Variants in GOLM1 observed in about 807,000 individuals in gnomAD.
GOLM1 encodes epididymis luminal protein 46.
A neutral mutation model predicts 50.5 loss-of-function variants in GOLM1; 31 were observed. That is an observed-to-expected ratio of 0.61 (90% CI 0.46 to 0.83). The LOEUF (loss-of-function observed/expected upper bound fraction) is 0.83. Among genes scored for constraint, GOLM1 ranks in the 40% least tolerant of loss-of-function variants. The pLI is 0.00. For missense variants in GOLM1, 491 were observed against 501.3 expected, an observed-to-expected ratio of 0.98 and a Z score of 0.20; for synonymous variants, 178 against 192.8, an observed-to-expected ratio of 0.92 and a Z score of 0.64.
chr9:86,046,997 G>A (rs1833567868), intron 4 of GOLM1, among the ~76,000 whole-genome samples: 1 of 141,130 alleles, frequency 7.1e-6, no homozygotes, highest in South Asian at 2.5e-4. Context: ...TTTGATGTTT[G>A]GTCAGATAAG....
intron 6 of GOLM1, among the ~76,000 whole-genome samples, chr9:86,038,022 C>CGCAT (rs1176696878): frequency 6.6e-6 from 1 of 151,956 alleles, no homozygotes; most frequent in Admixed American, 6.6e-5. Context: ...GGTGTGGTAG[C>CGCAT]GCATGCCTGT....
chr9:86,077,526 C>A lies in GOLM1; in HGVS notation c.195G>T (p.Leu65=). The A allele has an allele frequency of 1.9e-6, 3 of 1,613,456 alleles. No individual in the cohort carries two copies. Among genetic ancestry groups the A allele is most frequent in the Non-Finnish European group, 2.5e-6 (3 of 1,179,352 alleles). The change falls in exon 3 of 10, where the codon CTG becomes CTT. Residue 65 remains leucine (L), a synonymous_variant. Transcript: ENST00000388712. ...RAAAERGAVE[L]KKNEFQGELE... is the part of the protein sequence containing the mutation. Reference sequence around the variant, plus strand: ...GCTCTCCCTGGAACTCGTTCTTCTTCAGCTCCACGGCGCCTCTCTCTGCAG... The same window carrying A: ...GCTCTCCCTGGAACTCGTTCTTCTTAAGCTCCACGGCGCCTCTCTCTGCAG...
chr9:86,079,226 T>C lies in GOLM1; in HGVS notation c.95A>G (p.Tyr32Cys), dbSNP rs549143314. 6.2e-7 allele frequency: 1 copy of C among 1,605,990 alleles called. No individual in the cohort carries two copies. The highest frequency in any genetic ancestry group is 1.7e-5 in the Admixed American group (1 of 58,932). ...VACIIVLGFNYWIASSRSVDL... is the reference protein window; with the variant it reads ...VACIIVLGFNCWIASSRSVDL... ...CACGCTCCGGGAGCTCGCAATCCAG[T>C]AGTTGAAGCCCAAGACGATGATGCA... Residue 32 changes from tyrosine (Y) to cysteine (C), a missense_variant, in exon 2 of 10, where the codon TAC becomes TGC. By Grantham distance (194) the Tyr-to-Cys change is radical. Coordinates refer to ENST00000388712, the MANE Select transcript of GOLM1 (RefSeq NM_016548.4).
At chr9:86,080,629 T>C (rs1834754579) in intron 1 of GOLM1, among the ~76,000 whole-genome samples, 4 of 152,130 alleles carry the variant, frequency 2.6e-5, no homozygotes. Flanking sequence ...TCTTTTTTCT[T>C]AACAGCTAGC....
chr9:86,056,304 C>T lies in GOLM1; in HGVS notation c.310-3713G>A, dbSNP rs1036914327. Among the ~76,000 whole-genome samples, 16 of 151,896 alleles carry T rather than the reference C, an allele frequency of 1.1e-4. 1 individual carries two copies. In the Middle Eastern group the frequency reaches 0.017, roughly 161 times the overall value. On this transcript the variant is annotated intron_variant, in intron 3 of 9. Transcript: ENST00000388712. ...TTACTTATGCATGGAAAAATACAGC[C>T]TCCACTTAGGAAAATAAAAAAAGGA...
chr9:86,077,855 G>C (rs1009922133), intron 2 of GOLM1: 6 of 452,170 alleles, frequency 1.3e-5, no homozygotes, highest in Non-Finnish European at 2.0e-5. Context: ...GCTTAAATGT[G>C]CTAAGTGCAC....
intron 3 of GOLM1, among the ~76,000 whole-genome samples, chr9:86,061,941 A>G (rs1037451437): frequency 7.2e-5 from 11 of 152,170 alleles, no homozygotes; most frequent in African/African-American, 2.4e-4. Context: ...GCGGGTCTGG[A>G]CCTGCAGCTA....
intron 3 of GOLM1, among the ~76,000 whole-genome samples, chr9:86,068,539 G>A (rs1232813329): frequency 6.6e-6 from 1 of 152,142 alleles, no homozygotes; most frequent in Non-Finnish European, 1.5e-5. Context: ...CCCCTGCCCA[G>A]GTCTCAGGTG....
intron 1 of GOLM1, among the ~76,000 whole-genome samples, chr9:86,097,167 GTCTC>G (rs200441075): frequency 1.3e-5 from 2 of 151,008 alleles, no homozygotes; most frequent in African/African-American, 4.9e-5. Context: ...TTGGAGACAA[GTCTC>G]TCTTTTAATG....
intron 7 of GOLM1, 126 bp downstream of exon 7, chr9:86,036,222 G>GAC: frequency 1.1e-6 from 1 of 917,678 alleles, no homozygotes; most frequent in Non-Finnish European, 1.8e-6. Context: ...GGCCCAGAGA[G>GAC]ACACGTCCCT....
At chr9:86,067,260 A>G (rs573518335) in intron 3 of GOLM1, among the ~76,000 whole-genome samples, 2 of 152,360 alleles carry the variant, frequency 1.3e-5, no homozygotes, top group South Asian at 4.1e-4. Context: ...TGTTAACAAC[A>G]TAAAAGAATG....
At chr9:86,099,935 C>G (rs1024236536), upstream of GOLM1, 2 of 152,452 alleles carry the variant, frequency 1.3e-5, no homozygotes, top group Admixed American at 6.5e-5. Context: ...GCGCCACACT[C>G]ACGTTACCTT....
Position 86,040,860 on chromosome 9 carries a change from C to G in GOLM1, c.476G>C (p.Cys159Ser). Residue 159 changes from cysteine to serine, a missense_variant, in exon 6 of 10, where the codon TGC becomes TCC. Cys to Ser is a moderately radical substitution (Grantham distance 112). Coordinates refer to ENST00000388712, the MANE Select transcript of GOLM1 (RefSeq NM_016548.4). ...ERKFSYDLSQ[C>S]INQMKEVKEQ... ...CTTCACCTCCTTCATCTGATTGATGCACTGGCTCCTTTGGTGAAAGAAAGC... is the reference window on the plus strand; with the variant it reads ...CTTCACCTCCTTCATCTGATTGATGGACTGGCTCCTTTGGTGAAAGAAAGC... 6.2e-6 allele frequency: 10 copies of G among 1,613,704 alleles called. No homozygotes were observed. The highest frequency in any genetic ancestry group is 8.5e-6 in the Non-Finnish European group (10 of 1,179,844).
At chr9:86,063,342 C>T (rs10116495) in intron 3 of GOLM1, among the ~76,000 whole-genome samples, 57,381 of 152,120 alleles carry the variant, frequency 0.38, 14,400 homozygotes, top group African/African-American at 0.7. Context: ...CCTGAGGGCA[C>T]TGGGGGTTTC....
In GOLM1 at chr9:86,047,883, T is replaced by G. The variant is rs537206384; in HGVS notation, c.365-1311A>C. Reference sequence around the variant, plus strand: ...CTGTATGCATGTACCCAATTATTATTATTTTTTAATTATACTTTAAATTCT... The same window carrying G: ...CTGTATGCATGTACCCAATTATTATGATTTTTTAATTATACTTTAAATTCT... On this transcript the variant is annotated intron_variant, in intron 4 of 9. Transcript: ENST00000388712. Among the ~76,000 whole-genome samples the G allele has an allele frequency of 7.2e-5, 11 of 152,318 alleles. No homozygotes were observed. In the South Asian group the frequency reaches 2.3e-3, roughly 32 times the overall value.
intron 6 of GOLM1, among the ~76,000 whole-genome samples, chr9:86,038,187 A>G (rs549836188): frequency 5.8e-4 from 88 of 151,728 alleles, no homozygotes; most frequent in Non-Finnish European, 9.7e-4. Context: ...AAAAGAAAAA[A>G]CCTGCCCCAG....
chr9:86,033,354 T>G lies in GOLM1; in HGVS notation c.1057A>C (p.Met353Leu). The G allele has an allele frequency of 6.2e-7, 1 of 1,613,338 alleles. No homozygotes were observed. Among genetic ancestry groups the G allele is most frequent in the East Asian group, 2.2e-5 (1 of 44,868 alleles). Residue 353 changes from methionine (M) to leucine (L), a missense_variant, in exon 9 of 10, where the codon ATG becomes CTG. Coordinates refer to ENST00000388712, the MANE Select transcript of GOLM1 (RefSeq NM_016548.4). ...QKLRGEDDYNMDENEAESETD... is the reference protein window; with the variant it reads ...QKLRGEDDYNLDENEAESETD... Reference sequence around the variant, plus strand: ...TCAGATTCTGCTTCATTTTCATCCATGTTGTAGTCATCTTCTCCTCTCAGT... The same window carrying G: ...TCAGATTCTGCTTCATTTTCATCCAGGTTGTAGTCATCTTCTCCTCTCAGT...
chr9:86,076,938 G>A (rs1430242915), intron 3 of GOLM1, among the ~76,000 whole-genome samples: 1 of 151,908 alleles, frequency 6.6e-6, no homozygotes, highest in African/African-American at 2.4e-5. Flanking sequence ...GGATTTGTTG[G>A]TTTTTTTCCT....
At chr9:86,036,006 C>G (rs1382340550) in intron 7 of GOLM1, among the ~76,000 whole-genome samples, 1 of 151,850 alleles carries the variant, frequency 6.6e-6, no homozygotes, top group African/African-American at 2.4e-5. Flanking sequence ...GGCAGGCAGG[C>G]CCACCCAGGG....
Sources: gnomAD v4.1 joint callset for allele counts (sites outside exome capture counted in the v4.1 genomes callset) on GRCh38, gnomAD v4.1.1 for gene constraint, MANE v1.5 for transcripts, NCBI Gene and HGNC (gene_info 2026-07-23, HGNC 2026-07-21) for gene names.